SCN8A: variants seen among roughly 807,000 people sequenced by gnomAD.
SCN8A encodes the protein sodium channel protein type 8 subunit alpha.
SCN8A carries 30 observed loss-of-function variants against 184.1 expected under a neutral mutation model. The ratio of observed to expected loss-of-function variants is 0.16; its 90% CI spans 0.12 to 0.22. SCN8A has a LOEUF of 0.22. Ranked by LOEUF, SCN8A falls within the 10% of genes least tolerant of loss-of-function variation. The pLI, the probability that SCN8A is intolerant of heterozygous loss-of-function variation, is 1.00. For missense variants in SCN8A, 1,057 were observed against 2,498.9 expected (o/e 0.42, Z 12.30); for synonymous variants, 852 against 907.0 (o/e 0.94, Z 1.09).
intron 1 of SCN8A, among the ~76,000 whole-genome samples, chr12:51,610,293 T>G (rs1250182622): frequency 2.0e-5 from 3 of 151,854 alleles, no homozygotes; most frequent in Non-Finnish European, 4.4e-5. Flanking sequence ...GTTAGGTGAG[T>G]CTCCTGAAGG....
At chr12:51,696,221 T>G (rs966246107) in intron 6 of SCN8A, among the ~76,000 whole-genome samples, 7 of 152,230 alleles carry the variant, frequency 4.6e-5, no homozygotes, top group Admixed American at 6.5e-5. Context: ...CTGTATAGGC[T>G]TCATAAAAAA....
At chr12:51,595,473 GT>G (rs1352206239) in intron 1 of SCN8A, among the ~76,000 whole-genome samples, 3 of 152,182 alleles carry the variant, frequency 2.0e-5, no homozygotes, top group Non-Finnish European at 4.4e-5. Flanking sequence ...GGTTGCTATA[GT>G]TACACTATTG....
Position 51,751,465 on chromosome 12 carries a change from T to C in SCN8A, c.2242T>C (p.Leu748=), listed in dbSNP as rs2138838573. 2 of 1,613,966 alleles carry C rather than the reference T, an allele frequency of 1.2e-6. No individual in the cohort carries two copies. Among genetic ancestry groups the C allele is most frequent in the African/African-American group, 1.3e-5 (1 of 75,058 alleles). The change falls in exon 14 of 27, where the codon TTG becomes CTG. Residue 748 remains leucine, a synonymous_variant. Transcript: ENST00000627620. ...YWIKLKEIVN[L]IVMDPFVDLA... is the part of the protein sequence containing the mutation. ...GATAAAACTGAAAGAGATTGTGAAC[T>C]TGATAGTTATGGACCCTTTTGTGGA...
At chr12:51,783,407 A>T (rs1403330262) in intron 21 of SCN8A, among the ~76,000 whole-genome samples, 1 of 152,162 alleles carries the variant, frequency 6.6e-6, no homozygotes, top group African/African-American at 2.4e-5. Flanking sequence ...ACTGAACACC[A>T]TCCATGCAGA....
At chr12:51,695,566 T>C (rs1274821909) in intron 6 of SCN8A, among the ~76,000 whole-genome samples, 1 of 152,170 alleles carries the variant, frequency 6.6e-6, no homozygotes, top group Admixed American at 6.5e-5. Context: ...CTTGTGCTTC[T>C]GGGAAGCCAG....
intron 1 of SCN8A, among the ~76,000 whole-genome samples, chr12:51,661,376 GT>G (rs1041616076): frequency 6.6e-6 from 1 of 152,220 alleles, no homozygotes; most frequent in African/African-American, 2.4e-5. Context: ...GCCCCCTGCT[GT>G]GAGTGAGCAA....
Position 51,699,862 on chromosome 12 carries a change from C to G in SCN8A, c.928+71C>G. The stretch of plus-strand genomic sequence containing the variant: ...TAGTTCACATGGTCAGAAGCTACCA[C>G]AGGGCTTAAAAAAGTAGTTGGAGGC... On this transcript the variant is annotated intron_variant, in intron 7 of 26. Transcript: ENST00000627620. 5.1e-6 allele frequency: 7 copies of G among 1,384,482 alleles called. No individual in the cohort carries two copies. The South Asian group carries it at 8.9e-5, about 18-fold the overall frequency. The allele number at this position is 1,384,482 out of a possible 1,614,324, so 85.8% of individuals were successfully genotyped here.
At chr12:51,661,967 C>T (rs1651309964) in intron 1 of SCN8A, among the ~76,000 whole-genome samples, 1 of 152,246 alleles carries the variant, frequency 6.6e-6, no homozygotes, top group African/African-American at 2.4e-5. Flanking sequence ...ACGTCTCCGT[C>T]CTTCCTGGTT....
intron 20 of SCN8A, among the ~76,000 whole-genome samples, chr12:51,777,275 T>G (rs769581368): frequency 6.6e-6 from 1 of 152,168 alleles, no homozygotes; most frequent in Non-Finnish European, 1.5e-5. Flanking sequence ...TTTTAAAATT[T>G]TTTTAGGTAG....
intron 20 of SCN8A, 52 bp from the exon 21 acceptor site, chr12:51,780,597 T>TTC (rs1937883443): frequency 8.1e-6 from 3 of 371,536 alleles, no homozygotes; most frequent in South Asian, 3.1e-5. Flanking sequence ...TTTTTTTTTT[T>TTC]TTTTTTTGGT....
chr12:51,595,463 GGTTGCTATA>G (rs1402892852), intron 1 of SCN8A, among the ~76,000 whole-genome samples: 2 of 152,136 alleles, frequency 1.3e-5, no homozygotes, highest in Non-Finnish European at 2.9e-5. Flanking sequence ...AACCCAAGAA[GGTTGCTATA>G]GTTACACTAT....
In SCN8A at chr12:51,797,605, C is replaced by T. The variant is rs140396990; in HGVS notation, c.4795+2964C>T. 9.9e-3 allele frequency among the ~76,000 whole-genome samples: 1,505 copies of T among 152,298 alleles called. 22 individuals carry two copies. Among genetic ancestry groups the T allele is most frequent in the African/African-American group, 0.035 (1,442 of 41,556 alleles). On this transcript the variant is annotated intron_variant, in intron 26 of 26. Coordinates refer to ENST00000627620, the MANE Select transcript of SCN8A (RefSeq NM_001330260.2). Reference sequence around the variant, plus strand: ...GGGTTTGGGGCATTTGTAGTCCTACCTGGATTGGGCTGTTGTAGTTTCCCA... The same window carrying T: ...GGGTTTGGGGCATTTGTAGTCCTACTTGGATTGGGCTGTTGTAGTTTCCCA...
At chr12:51,748,562 A>G (rs1942549025) in intron 13 of SCN8A, among the ~76,000 whole-genome samples, 1 of 152,174 alleles carries the variant, frequency 6.6e-6, no homozygotes, top group Non-Finnish European at 1.5e-5. Flanking sequence ...ATCGTGGTGA[A>G]GTAAGAAAGA....
At chr12:51,805,864 T>C (rs1938686303) in intron 26 of SCN8A, among the ~76,000 whole-genome samples, 1 of 152,140 alleles carries the variant, frequency 6.6e-6, no homozygotes, top group African/African-American at 2.4e-5. Context: ...AATCTTGGTC[T>C]TTCACCAAGG....
At chr12:51,651,793 C>T (rs1940720350) in intron 1 of SCN8A, among the ~76,000 whole-genome samples, 1 of 152,136 alleles carries the variant, frequency 6.6e-6, no homozygotes, top group Non-Finnish European at 1.5e-5. Flanking sequence ...CTTTTTGTTC[C>T]ACCTCCCAGA....
intron 1 of SCN8A, among the ~76,000 whole-genome samples, chr12:51,635,738 A>G (rs528571315): frequency 1.3e-5 from 2 of 152,332 alleles, no homozygotes; most frequent in African/African-American, 2.4e-5. Context: ...ATAGAGATAA[A>G]TAATATTTAA....
At chr12:51,717,821 A>G (rs147686353) in intron 11 of SCN8A, among the ~76,000 whole-genome samples, 2 of 152,344 alleles carry the variant, frequency 1.3e-5, no homozygotes, top group East Asian at 3.9e-4. Context: ...CCTGTTTTCT[A>G]GAGACCTATA....
chr12:51,732,405 C>G (rs868120821), intron 12 of SCN8A, among the ~76,000 whole-genome samples: 1 of 152,076 alleles, frequency 6.6e-6, no homozygotes, highest in Non-Finnish European at 1.5e-5. Context: ...TTTCTGGGTT[C>G]TCTATTCTGT....
intron 8 of SCN8A, 97 bp downstream of exon 8, chr12:51,701,304 C>A: frequency 1.4e-6 from 1 of 698,184 alleles, no homozygotes; most frequent in East Asian, 2.8e-5. Context: ...TCTTTGTGCT[C>A]AAGTAGTAGA....
Sources: gnomAD v4.1 joint callset for allele counts (sites outside exome capture counted in the v4.1 genomes callset) on GRCh38, gnomAD v4.1.1 for gene constraint, MANE v1.5 for transcripts, NCBI Gene and HGNC (gene_info 2026-07-23, HGNC 2026-07-21) for gene names.